The following AGBL1 variants were observed in gnomAD, a reference collection of about 807,000 sequenced individuals.
AGBL1 encodes cytosolic carboxypeptidase 4.
A neutral mutation model predicts 118.9 loss-of-function variants in AGBL1; 130 were observed. The ratio of observed to expected loss-of-function variants is 1.09; its 90% CI spans 0.95 to 1.26. The LOEUF is 1.26. AGBL1 is among the 50% of genes most tolerant of loss of function. AGBL1 has a pLI of 0.00. For synonymous variants in AGBL1, 555 were observed against 478.9 expected, an observed-to-expected ratio of 1.16 and a Z score of -2.08; for missense variants, 1,584 against 1,298.1, an observed-to-expected ratio of 1.22 and a Z score of -3.38.
intron 16 of AGBL1, among the ~76,000 whole-genome samples, chr15:86,287,917 T>A (rs957418499): frequency 2.6e-5 from 4 of 152,194 alleles, no homozygotes; most frequent in Non-Finnish European, 5.9e-5. Context: ...CAGTTCACAA[T>A]GCATATTGAA....
intron 4 of AGBL1, 140 bp downstream of exon 4, chr15:86,154,701 C>T: frequency 8.9e-7 from 1 of 1,125,366 alleles, no homozygotes; most frequent in East Asian, 2.7e-5. Flanking sequence ...ATAAAAGAGA[C>T]TGACAATCCA....
At chr15:86,771,958 T>C (rs2078188708) in intron 22 of AGBL1, among the ~76,000 whole-genome samples, 11 of 151,870 alleles carry the variant, frequency 7.2e-5, no homozygotes, top group Admixed American at 7.2e-4. Flanking sequence ...GAAGTTCTTG[T>C]GTGGATAGAA....
intron 23 of AGBL1, among the ~76,000 whole-genome samples, chr15:86,980,555 G>T (rs74737507): frequency 7.2e-5 from 11 of 152,018 alleles, no homozygotes; most frequent in African/African-American, 2.7e-4. Context: ...TAAGAAAATC[G>T]TAAACTTCTC....
chr15:87,007,004 A>C (rs1057337377), intron 24 of AGBL1, among the ~76,000 whole-genome samples: 1 of 152,186 alleles, frequency 6.6e-6, no homozygotes, highest in Non-Finnish European at 1.5e-5. Flanking sequence ...GGGAAAAACT[A>C]AGTCATGCTC....
chr15:86,523,782 T>C (rs530225399), intron 19 of AGBL1, among the ~76,000 whole-genome samples: 4 of 152,320 alleles, frequency 2.6e-5, no homozygotes, highest in South Asian at 4.1e-4. Context: ...TCTAGTACTA[T>C]ACAATTGATT....
At chr15:86,124,029 A>G (rs1207542612) in intron 1 of AGBL1, among the ~76,000 whole-genome samples, 3 of 152,142 alleles carry the variant, frequency 2.0e-5, no homozygotes, top group African/African-American at 7.2e-5. Flanking sequence ...TCCAGAGTTT[A>G]GTTAACGATA....
chr15:86,484,791 A>T (rs1384052173), intron 18 of AGBL1, among the ~76,000 whole-genome samples: 1 of 152,120 alleles, frequency 6.6e-6, no homozygotes, highest in Non-Finnish European at 1.5e-5. Flanking sequence ...TGTTCGACTG[A>T]GATGAATTCT....
At chr15:86,493,668 C>A (rs1596186777) in intron 18 of AGBL1, among the ~76,000 whole-genome samples, 1 of 152,092 alleles carries the variant, frequency 6.6e-6, no homozygotes, top group African/African-American at 2.4e-5. Context: ...ACACTTTCTT[C>A]CGTAATGCTG....
At chr15:86,349,881 A>G (rs1364282418) in intron 17 of AGBL1, among the ~76,000 whole-genome samples, 2 of 152,240 alleles carry the variant, frequency 1.3e-5, no homozygotes, top group African/African-American at 4.8e-5. Flanking sequence ...GGCAACTCAC[A>G]TGTTCTCTCT....
intron 7 of AGBL1, among the ~76,000 whole-genome samples, chr15:86,256,550 G>C (rs1170886133): frequency 6.6e-6 from 1 of 152,174 alleles, no homozygotes; most frequent in Non-Finnish European, 1.5e-5. Flanking sequence ...TCTTGCCTTA[G>C]GCGCAGCATC....
intron 22 of AGBL1, among the ~76,000 whole-genome samples, chr15:86,689,284 C>A (rs748852474): frequency 9.2e-5 from 14 of 152,102 alleles, no homozygotes; most frequent in Non-Finnish European, 1.8e-4. Flanking sequence ...ACCATCTCAG[C>A]AAGACTTTTC....
intron 6 of AGBL1, among the ~76,000 whole-genome samples, chr15:86,244,054 G>GATAA (rs2078679730): frequency 1.4e-5 from 1 of 73,156 alleles, no homozygotes; most frequent in African/African-American, 6.6e-5. Flanking sequence ...TAGATAGATA[G>GATAA]ATAAATAAGT....
At chr15:86,370,301 C>CTTTT (rs5814238) in intron 17 of AGBL1, among the ~76,000 whole-genome samples, 28 of 131,020 alleles carry the variant, frequency 2.1e-4, no homozygotes, top group Non-Finnish European at 2.4e-4. Context: ...GTCTCTATTC[C>CTTTT]TTTTTTTTTT....
At chr15:86,806,691 T>A (rs1175238407) in intron 22 of AGBL1, among the ~76,000 whole-genome samples, 1 of 151,964 alleles carries the variant, frequency 6.6e-6, no homozygotes, top group Non-Finnish European at 1.5e-5. Context: ...TTGAATTAAT[T>A]TATGTATAAA....
At chr15:86,628,522 C>G (rs1022288363) in intron 21 of AGBL1, among the ~76,000 whole-genome samples, 1 of 152,102 alleles carries the variant, frequency 6.6e-6, no homozygotes, top group African/African-American at 2.4e-5. Context: ...TTTGGCTGGG[C>G]GCAGTGGCTC....
intron 22 of AGBL1, among the ~76,000 whole-genome samples, chr15:86,853,057 C>A (rs12324846): frequency 0.11 from 12,872 of 120,150 alleles, 599 homozygotes; most frequent in Non-Finnish European, 0.13. Context: ...CAAAAAAAAT[C>A]TCAAAGCCCA....
chr15:86,545,113 C>CCTGATT (rs1337733440), intron 19 of AGBL1, among the ~76,000 whole-genome samples: 1 of 152,170 alleles, frequency 6.6e-6, no homozygotes, highest in East Asian at 1.9e-4. Flanking sequence ...ATGGCCATTA[C>CCTGATT]CTGATTCTAC....
chr15:86,813,466 A>G (rs2078819933), intron 22 of AGBL1, among the ~76,000 whole-genome samples: 1 of 152,202 alleles, frequency 6.6e-6, no homozygotes, highest in South Asian at 2.1e-4. Flanking sequence ...AAGAAGAGTC[A>G]TATATGATTT....
At chr15:86,512,867 C>T (rs1335534873) in intron 18 of AGBL1, among the ~76,000 whole-genome samples, 1 of 150,848 alleles carries the variant, frequency 6.6e-6, no homozygotes, top group African/African-American at 2.4e-5. Context: ...TTTTTTTAAC[C>T]ATTTATTATC....
Sources: allele counts gnomAD v4.1 joint callset (sites outside exome capture counted in the v4.1 genomes callset), GRCh38; gene constraint gnomAD v4.1.1; transcripts MANE v1.5; gene names NCBI Gene and HGNC (gene_info 2026-07-23, HGNC 2026-07-21).